Variants in TXNRD3 observed in about 807,000 individuals in gnomAD.
The protein encoded by TXNRD3 is TXNRD3 neighbor gene protein.
A neutral mutation model predicts 78.2 loss-of-function variants in TXNRD3; 68 were observed. The ratio of observed to expected loss-of-function variants is 0.87; its 90% CI spans 0.72 to 1.06. TXNRD3 has a LOEUF of 1.06. TXNRD3 is among the 50% of genes least tolerant of loss of function. The probability of loss-of-function intolerance (pLI) is 0.00; values close to 1 mark genes in which losing one functional copy is unlikely to be tolerated. For synonymous variants in TXNRD3, 296 were observed against 300.1 expected (o/e 0.99, Z 0.14); for missense variants, 751 against 809.5 (o/e 0.93, Z 0.88).
chr3:126,640,785 C>T (rs1288162985), intron 6 of TXNRD3, among the ~76,000 whole-genome samples: 1 of 151,992 alleles, frequency 6.6e-6, no homozygotes, highest in Non-Finnish European at 1.5e-5. Flanking sequence ...CCCCACTTCC[C>T]TATCCTTTCC....
intron 1 of TXNRD3, among the ~76,000 whole-genome samples, chr3:126,649,226 T>C (rs1489872451): frequency 6.6e-6 from 1 of 152,200 alleles, no homozygotes. Flanking sequence ...AAATGGCCAA[T>C]AATAAGCACG....
rs552054931 is a variant in TXNRD3 at position 126,647,865 on chromosome 3, C to T, written c.244-569G>A. On this transcript the variant is annotated intron_variant, in intron 1 of 15. Coordinates refer to ENST00000524230, the MANE Select transcript of TXNRD3 (RefSeq NM_052883.3). The stretch of plus-strand genomic sequence containing the variant: ...TCCAAAAAAGTACTATTAGTCCTAG[C>T]CAGAGCAATACCACAAGAAAAGGAA... 8.5e-5 allele frequency among the ~76,000 whole-genome samples: 13 copies of T among 152,180 alleles called. No homozygotes were observed. The South Asian group carries it at 2.7e-3, about 32-fold the overall frequency.
chr3:126,630,932 T>A lies in TXNRD3; in HGVS notation c.977A>T (p.Asp326Val), dbSNP rs1400895220. 5.9e-6 allele frequency: 9 copies of A among 1,532,844 alleles called. No individual in the cohort carries two copies. The South Asian group carries it at 9.6e-5, about 16-fold the overall frequency. The allele number at this position is 1,532,844 out of a possible 1,614,324, so 95.0% of individuals were successfully genotyped here. ...AGGGCAATAAGGCAGAGAAAAAAGG[T>A]CATCACTGAAAAATAAAAATTAAAA... Residue 326 changes from aspartate to valine, a missense_variant, in exon 9 of 16, where the codon GAC becomes GTC. Physicochemically the swap from Asp to Val is radical, Grantham distance 152. Coordinates refer to ENST00000524230, the MANE Select transcript of TXNRD3 (RefSeq NM_052883.3).
intron 10 of TXNRD3, among the ~76,000 whole-genome samples, chr3:126,624,400 T>A (rs563581854): frequency 6.6e-6 from 1 of 151,766 alleles, no homozygotes; most frequent in African/African-American, 2.4e-5. Context: ...AGCACAGAAA[T>A]AGACCCACAG....
At chr3:126,649,027 G>C (rs984656310) in intron 1 of TXNRD3, among the ~76,000 whole-genome samples, 6 of 152,114 alleles carry the variant, frequency 3.9e-5, no homozygotes, top group Non-Finnish European at 8.8e-5. Context: ...AAAAAGAAAA[G>C]AGGACATTAT....
At chr3:126,646,675 G>A (rs1004799201) in intron 2 of TXNRD3, among the ~76,000 whole-genome samples, 3 of 152,142 alleles carry the variant, frequency 2.0e-5, no homozygotes, top group African/African-American at 7.2e-5. Context: ...CTTTAGAAAA[G>A]TCTCCAAGAT....
At position 126,622,377 on chromosome 3, in the gene TXNRD3, C is replaced by A. The variant is rs147616528; in HGVS notation, c.1367+87G>T. The A allele has an allele frequency of 4.7e-6, 4 of 859,166 alleles. No individual in the cohort carries two copies. In the East Asian group the frequency reaches 1.1e-4, roughly 24 times the overall value. The allele number at this position is 859,166 out of a possible 1,614,324, so 53.2% of individuals were successfully genotyped here. On this transcript the variant is annotated intron_variant, in intron 11 of 15. Transcript: ENST00000524230. ...TTATAAGATAAATTAAGACATATCT[C>A]AGTAATTAAATGAGAATTTCTTAGA...
chr3:126,634,879 G>A (rs1290727681), intron 6 of TXNRD3, among the ~76,000 whole-genome samples: 1 of 152,156 alleles, frequency 6.6e-6, no homozygotes, highest in Non-Finnish European at 1.5e-5. Flanking sequence ...TACTCATCCA[G>A]GGACATGGGA....
chr3:126,646,238 T>C lies in TXNRD3; in HGVS notation c.305-18A>G, dbSNP rs1933230339. 2 of 1,493,790 alleles carry C rather than the reference T, an allele frequency of 1.3e-6. No individual in the cohort carries two copies. Among genetic ancestry groups the C allele is most frequent in the African/African-American group, 1.4e-5 (1 of 70,066 alleles). The allele number at this position is 1,493,790 out of a possible 1,614,324, so 92.5% of individuals were successfully genotyped here. A position where few individuals can be genotyped will look rare whatever the true frequency, so the allele number is the denominator to read the frequency against. On this transcript the variant is annotated intron_variant, in intron 2 of 15. Coordinates refer to ENST00000524230, the MANE Select transcript of TXNRD3 (RefSeq NM_052883.3). ...CCCATCATCTAAAGAAGAAAAAAAC[T>C]ATATATAAAAACACTGAAAAGAGTT...
In TXNRD3 at chr3:126,629,434, T is replaced by C; in HGVS notation, c.1235A>G (p.Lys412Arg). The stretch of plus-strand genomic sequence containing the variant: ...TCCTTCAGTGGATTTAGCCAACACT[T>C]TCAGCTTTCCAGGTGAACCTTTCTC... Residue 412 changes from lysine to arginine, a missense_variant, in exon 10 of 16, where the codon AAA (lysine) becomes AGA (arginine). Physicochemically the swap from Lys to Arg is conservative, Grantham distance 26. Transcript: ENST00000524230. The C allele has an allele frequency of 6.5e-7, 1 of 1,535,604 alleles. No homozygotes were observed. Among genetic ancestry groups the C allele is most frequent in the Non-Finnish European group, 8.7e-7 (1 of 1,146,548 alleles).
intron 11 of TXNRD3, 61 bp from the exon 12 acceptor site, chr3:126,621,959 C>T: frequency 2.3e-6 from 3 of 1,326,726 alleles, no homozygotes; most frequent in Non-Finnish European, 2.9e-6. Flanking sequence ...TGCTGGCTGA[C>T]TAATACTATT....
In TXNRD3 at chr3:126,607,744, T is replaced by A. The variant is rs937237442; in HGVS notation, c.*161A>T. The A allele has an allele frequency of 1.4e-5, 6 of 437,952 alleles. No homozygotes were observed. The highest frequency in any genetic ancestry group is 1.2e-4 in the African/African-American group (6 of 49,484). The allele number at this position is 437,952 out of a possible 1,614,324, so 27.1% of individuals were successfully genotyped here. A position where few individuals can be genotyped will look rare whatever the true frequency, so the allele number is the denominator to read the frequency against. The stretch of plus-strand genomic sequence containing the variant: ...ACAAGGCAGATGCCCACTGCTGTCC[T>A]CTTTCCTTGTCTACTTTCTCATCTA... On this transcript the variant is annotated 3_prime_UTR_variant, in exon 16 of 16. Transcript: ENST00000524230.
In TXNRD3 at chr3:126,611,940, G is replaced by T. The variant is rs138190285; in HGVS notation, c.1633-808C>A. ...TTAAAACAAAATTTTTATTAAGGAGGTATCACAATATACAGTTACTTGTAG... is the reference window on the plus strand; with the variant it reads ...TTAAAACAAAATTTTTATTAAGGAGTTATCACAATATACAGTTACTTGTAG... On this transcript the variant is annotated intron_variant, in intron 13 of 15. Coordinates refer to ENST00000524230, the MANE Select transcript of TXNRD3 (RefSeq NM_052883.3). Among the ~76,000 whole-genome samples, 674 of 152,198 alleles carry T rather than the reference G, an allele frequency of 4.4e-3. 7 individuals are homozygous for T. The highest frequency in any genetic ancestry group is 0.016 in the African/African-American group (649 of 41,522).
At chr3:126,627,194 A>T (rs1010743151) in intron 10 of TXNRD3, among the ~76,000 whole-genome samples, 3 of 152,246 alleles carry the variant, frequency 2.0e-5, no homozygotes, top group Non-Finnish European at 2.9e-5. Context: ...CAGGAAAATG[A>T]ATAAACTGCT....
Position 126,630,848 on chromosome 3 carries a change from G to C in TXNRD3, c.1061C>G (p.Ala354Gly). 6.5e-7 allele frequency: 1 copy of C among 1,535,982 alleles called. No homozygotes were observed. The highest frequency in any genetic ancestry group is 8.7e-7 in the Non-Finnish European group (1 of 1,146,882). ...AACTGTGACATCTAGGCCAAAGCCA[G>C]CCAGAAACCCTGCACACTCCAGGGC... The change falls in exon 9 of 16, where the codon GCT (alanine) becomes GGT (glycine). Residue 354 changes from alanine to glycine, a missense_variant. Coordinates refer to ENST00000524230, the MANE Select transcript of TXNRD3 (RefSeq NM_052883.3).
At chr3:126,645,135 C>T (rs1423618181) in intron 3 of TXNRD3, among the ~76,000 whole-genome samples, 1 of 152,204 alleles carries the variant, frequency 6.6e-6, no homozygotes, top group Non-Finnish European at 1.5e-5. Context: ...CGTGGACTCA[C>T]CAAATGCCAT....
chr3:126,646,920 T>C (rs1933252530), intron 2 of TXNRD3, among the ~76,000 whole-genome samples: 1 of 152,206 alleles, frequency 6.6e-6, no homozygotes, highest in Admixed American at 6.5e-5. Context: ...AGCGGATCCT[T>C]TTCATTTGTT....
rs1335979175 is a variant in TXNRD3, at chr3:126,642,156, G to T, written c.593-5C>A. 2 of 1,528,370 alleles carry T rather than the reference G, an allele frequency of 1.3e-6. No individual in the cohort carries two copies. Among genetic ancestry groups the T allele is most frequent in the African/African-American group, 2.8e-5 (2 of 72,190 alleles). 94.7% of individuals were successfully genotyped at this position (1,528,370 alleles called of 1,614,324 possible). The stretch of plus-strand genomic sequence containing the variant: ...TTACACAAGTGCCACCAAGACCTGA[G>T]GAAGAAAATAAGTTTTAATGCTTCT... On this transcript the variant is annotated splice_region_variant and splice_polypyrimidine_tract_variant and intron_variant, in intron 5 of 15. Transcript: ENST00000524230.
At chr3:126,630,448 A>G (rs1412014894) in intron 9 of TXNRD3, among the ~76,000 whole-genome samples, 2 of 152,226 alleles carry the variant, frequency 1.3e-5, no homozygotes, top group Non-Finnish European at 2.9e-5. Flanking sequence ...AAGGAAAAAG[A>G]AAACTACTAA....
Sources: allele counts gnomAD v4.1 joint callset (sites outside exome capture counted in the v4.1 genomes callset), GRCh38; gene constraint gnomAD v4.1.1; transcripts MANE v1.5; gene names NCBI Gene and HGNC (gene_info 2026-07-23, HGNC 2026-07-21).